The following FRMD7 variants were observed in gnomAD, a reference collection of about 807,000 sequenced individuals.
FRMD7 encodes the protein FERM domain-containing protein 7.
Under a neutral mutation model 44.1 loss-of-function variants are expected in FRMD7, and 14 were observed. The observed-to-expected ratio is 0.32, with a 90% CI of 0.21 to 0.50. The LOEUF (loss-of-function observed/expected upper bound fraction) is 0.50. FRMD7 is among the 20% of genes least tolerant of loss of function. FRMD7 has a pLI of 0.99. For missense variants in FRMD7, 501 were observed against 522.3 expected, an observed-to-expected ratio of 0.96 and a Z score of 0.40; for synonymous variants, 212 against 187.4, an observed-to-expected ratio of 1.13 and a Z score of -1.07.
In FRMD7 at chrX:132,093,579, C is replaced by T. The variant is rs1416086010; in HGVS notation, c.382+463G>A. ...TGCCTGGGGCTTTTTTCCCTTTTAACCTCTCTCCACCTGCTGTACTCTGTG... is the reference window on the plus strand; with the variant it reads ...TGCCTGGGGCTTTTTTCCCTTTTAATCTCTCTCCACCTGCTGTACTCTGTG... On this transcript the variant is annotated intron_variant, in intron 5 of 11. Coordinates refer to ENST00000298542, the MANE Select transcript of FRMD7 (RefSeq NM_194277.3). 4.4e-5 allele frequency among the ~76,000 whole-genome samples: 5 copies of T among 112,682 alleles called. No individual in the cohort carries two copies. In the East Asian group the frequency reaches 1.4e-3, roughly 31 times the overall value.
intron 5 of FRMD7, among the ~76,000 whole-genome samples, chrX:132,093,770 G>A (rs756587601): frequency 3.6e-5 from 4 of 112,570 alleles, no homozygotes; most frequent in Admixed American, 1.9e-4. Flanking sequence ...TTCCTGGACA[G>A]CTTTCCCAGA....
chrX:132,123,843 CT>C (rs1189252085), intron 1 of FRMD7, among the ~76,000 whole-genome samples: 1 of 112,526 alleles, frequency 8.9e-6, no homozygotes, highest in African/African-American at 3.2e-5. Context: ...CTCGTTTTGA[CT>C]TTAGTCTCCA....
intron 1 of FRMD7, among the ~76,000 whole-genome samples, chrX:132,108,380 G>A (rs1244234973): frequency 9.0e-6 from 1 of 111,583 alleles, no homozygotes; most frequent in East Asian, 2.8e-4. Flanking sequence ...CACTTTAAAA[G>A]GATGAATTTG....
At chrX:132,094,334 G>A (rs999777717) in intron 4 of FRMD7, 195 bp from the exon 5 acceptor site, 6 of 422,916 alleles carry the variant, frequency 1.4e-5, no homozygotes, top group Non-Finnish European at 2.5e-5. Context: ...TCAGCTGATT[G>A]AACACTTTGG....
rs1927647088 is a variant in FRMD7, at chrX:132,077,704, A to G, written c.*168T>C. 2 of 687,905 alleles carry G rather than the reference A, an allele frequency of 2.9e-6. No individual in the cohort carries two copies. The highest frequency in any genetic ancestry group is 3.5e-5 in the Admixed American group (1 of 28,787). The allele number at this position is 687,905 out of a possible 1,213,427, so 56.7% of individuals were successfully genotyped here. ...CAGAGGTAATGGAAGAGTGAAACTC[A>G]AGGAATGAGGCAACAGCTGGATCTT... On this transcript the variant is annotated 3_prime_UTR_variant, in exon 12 of 12. Transcript: ENST00000298542.
intron 9 of FRMD7, among the ~76,000 whole-genome samples, chrX:132,081,079 A>G (rs1927792358): frequency 1.8e-5 from 2 of 111,708 alleles, no homozygotes; most frequent in Admixed American, 1.9e-4. Flanking sequence ...TCACACCTGT[A>G]ATTCGAGCAC....
In FRMD7 at chrX:132,121,603, A is replaced by T. The variant is rs186792071; in HGVS notation, c.57+6185T>A. On this transcript the variant is annotated intron_variant, in intron 1 of 11. Transcript: ENST00000298542. ...TATCCCCATTTTATAGATTAAAAAAAAAAACCCAAGGCACAGAGAAGTTAT... is the reference window on the plus strand; with the variant it reads ...TATCCCCATTTTATAGATTAAAAAATAAAACCCAAGGCACAGAGAAGTTAT... Among the ~76,000 whole-genome samples the T allele has an allele frequency of 2.5e-3, 277 of 110,452 alleles. 1 individual carries two copies. Among genetic ancestry groups the T allele is most frequent in the African/African-American group, 8.7e-3 (265 of 30,448 alleles).
In FRMD7 at chrX:132,077,096, T is replaced by C. The variant is rs902491170; in HGVS notation, c.*776A>G. Reference sequence around the variant, plus strand: ...GCAAGAAGCTATGACAAAAAATAAATTCTGGCAGGAAATATTAGATAAACA... The same window carrying C: ...GCAAGAAGCTATGACAAAAAATAAACTCTGGCAGGAAATATTAGATAAACA... On this transcript the variant is annotated 3_prime_UTR_variant, in exon 12 of 12. Transcript: ENST00000298542. 4 of 112,218 alleles carry C rather than the reference T, an allele frequency of 3.6e-5. No homozygotes were observed. The highest frequency in any genetic ancestry group is 7.5e-5 in the Non-Finnish European group (4 of 53,229). 9.2% of individuals were successfully genotyped at this position (112,218 alleles called of 1,213,427 possible).
At chrX:132,123,376 A>G (rs999292778) in intron 1 of FRMD7, among the ~76,000 whole-genome samples, 2 of 112,004 alleles carry the variant, frequency 1.8e-5, no homozygotes, top group African/African-American at 3.2e-5. Flanking sequence ...GTCCAAGATT[A>G]CATAGCTAAA....
In FRMD7 at chrX:132,080,261, C is replaced by T. The variant is rs1365805940; in HGVS notation, c.911G>A (p.Arg304Gln). 5 of 1,176,985 alleles carry T rather than the reference C, an allele frequency of 4.2e-6. No individual in the cohort carries two copies. The highest frequency in any genetic ancestry group is 2.2e-5 in the Admixed American group (1 of 45,987). The part of the protein sequence containing the change: ...SKGSSFRYSG[R>Q]TQRQLLEYGR... ...ATATTCCAAAAGTTGCCTTTGGGTT[C>T]GTCCACTATCATAAGGAACAATAAA... Residue 304 changes from arginine (R) to glutamine (Q), a missense_variant, in exon 10 of 12, where the codon CGA becomes CAA. Coordinates refer to ENST00000298542, the MANE Select transcript of FRMD7 (RefSeq NM_194277.3).
intron 1 of FRMD7, among the ~76,000 whole-genome samples, chrX:132,125,299 A>G (rs762306395): frequency 3.6e-5 from 4 of 111,862 alleles, no homozygotes; most frequent in Admixed American, 2.8e-4. Context: ...TTATCTGATC[A>G]TGTGTCCTTT....
chrX:132,106,100 C>T (rs1057006589), intron 1 of FRMD7, among the ~76,000 whole-genome samples: 5 of 112,069 alleles, frequency 4.5e-5, no homozygotes, highest in African/African-American at 1.6e-4. Context: ...ATAATATTTG[C>T]AAGCTATGCA....
Position 132,127,793 on chromosome X carries a change from C to T in FRMD7, c.52G>A (p.Val18Ile), listed in dbSNP as rs1212807685. ...FLDDSQKIFV[V>I]DQKSSGKALF... ...GCAATGTGATTTCCACTTACATCAA[C>T]CACAAAAATCTTCTGGGAATCATCC... The change falls in exon 1 of 12, where the codon GTT becomes ATT. Residue 18 changes from valine (V) to isoleucine (I), a missense_variant. Val to Ile is a conservative substitution (Grantham distance 29). Around this residue, in one of 3 missense-constraint regions of FRMD7, gnomAD observed 24 missense variants for 21.6 expected, o/e 1.11. Coordinates refer to ENST00000298542, the MANE Select transcript of FRMD7 (RefSeq NM_194277.3). The T allele has an allele frequency of 8.3e-7, 1 of 1,199,679 alleles. No individual in the cohort carries two copies. Among genetic ancestry groups the T allele is most frequent in the Admixed American group, 2.2e-5 (1 of 46,011 alleles).
chrX:132,082,513 TC>T lies in FRMD7; in HGVS notation c.754del (p.Asp252IlefsTer67), dbSNP rs771471165. The T allele has an allele frequency of 8.3e-7, 1 of 1,207,483 alleles. No homozygotes were observed. Among genetic ancestry groups the T allele is most frequent in the Non-Finnish European group, 1.1e-6 (1 of 892,572 alleles). On this transcript the variant is annotated frameshift_variant, in exon 9 of 12. Coordinates refer to ENST00000298542, the MANE Select transcript of FRMD7 (RefSeq NM_194277.3). LOFTEE classifies it high-confidence loss of function. Reference protein sequence around the residue: ...LHANILVLCKDTLEFTMASRD... With the variant: ...LHANILVLCKXTLEFTMASRD... ...GCTGGCCATGGTGAACTCCAAGGTA[TC>T]CTTGCACAACACCTGTATAAACCAA...
chrX:132,086,746 A>G (rs935388782), intron 5 of FRMD7, among the ~76,000 whole-genome samples: 1 of 111,653 alleles, frequency 9.0e-6, no homozygotes, highest in Admixed American at 9.5e-5. Flanking sequence ...CATTTAAGCC[A>G]TTCAGTCTCT....
At chrX:132,092,027 A>G (rs1483887747) in intron 5 of FRMD7, among the ~76,000 whole-genome samples, 1 of 111,697 alleles carries the variant, frequency 9.0e-6, no homozygotes, top group Non-Finnish European at 1.9e-5. Context: ...TCATTGTCTG[A>G]TTTTCCCCCG....
intron 1 of FRMD7, among the ~76,000 whole-genome samples, chrX:132,125,506 C>G (rs1929134425): frequency 9.0e-6 from 1 of 111,497 alleles, no homozygotes. Context: ...TCAATGGGTT[C>G]TCTTCATTAT....
intron 1 of FRMD7, among the ~76,000 whole-genome samples, chrX:132,103,486 GTCTATCTATCTATCTATCTA>G (rs34605425): frequency 2.3e-4 from 23 of 98,343 alleles, no homozygotes; most frequent in Non-Finnish European, 1.0e-4. Context: ...GCCTTTAAAT[GTCTATCTATCTATCTATCTA>G]TCTATCTATC....
intron 1 of FRMD7, among the ~76,000 whole-genome samples, chrX:132,118,606 C>T (rs935710498): frequency 1.8e-5 from 2 of 111,282 alleles, no homozygotes; most frequent in Non-Finnish European, 3.8e-5. Flanking sequence ...CAGGTTCCCC[C>T]ATCTGCACAA....
Sources: gnomAD v4.1 joint callset for allele counts (sites outside exome capture counted in the v4.1 genomes callset) on GRCh38, gnomAD v4.1.1 for gene constraint, gnomAD v4.1.1 regional missense constraint, MANE v1.5 for transcripts, NCBI Gene and HGNC (gene_info 2026-07-23, HGNC 2026-07-21) for gene names.